Variants in NBPF12 observed in about 807,000 individuals in gnomAD.
NBPF12 encodes NBPF member 12, also known as NBPF family member NBPF12.
In NBPF12, 115 loss-of-function variants were observed where a neutral mutation model predicts 146.4. The observed-to-expected ratio is 0.79, with a 90% CI of 0.68 to 0.92. NBPF12 has a LOEUF of 0.92. Among genes scored for constraint, NBPF12 ranks in the 40% least tolerant of loss-of-function variants. The pLI, the probability that NBPF12 is intolerant of heterozygous loss-of-function variation, is 0.00. For missense variants in NBPF12, 1,205 were observed against 1,326.8 expected (o/e 0.91, Z 1.43); for synonymous variants, 385 against 508.9 (o/e 0.76, Z 3.28).
chr1:146,947,629 A>C (rs1471491707), upstream of NBPF12, among the ~76,000 whole-genome samples: 1 of 122,400 alleles, frequency 8.2e-6, no homozygotes, highest in Admixed American at 9.1e-5. Flanking sequence ...TCACTTCCCA[A>C]ATTCCCTTGA....
intron 18 of NBPF12, among the ~76,000 whole-genome samples, chr1:146,978,703 T>C (rs1657204565): frequency 6.8e-6 from 1 of 146,660 alleles, no homozygotes; most frequent in Non-Finnish European, 1.5e-5. Context: ...GGAAAAAATT[T>C]TGTTTAACTT....
chr1:146,994,446 C>T (rs782714864), exon 34 of NBPF12: 4 of 1,611,994 alleles, frequency 2.5e-6, no homozygotes, highest in African/African-American at 1.3e-5. Flanking sequence ...TCCAGCACTA[C>T]AGAAGTGTGT....
At chr1:146,979,229 C>A (rs1413364595) in intron 19 of NBPF12, among the ~76,000 whole-genome samples, 2 of 93,506 alleles carry the variant, frequency 2.1e-5, no homozygotes, top group Admixed American at 2.4e-4. Context: ...GCCAGGTGAA[C>A]TAGCCAAACA....
At chr1:146,947,828 A>G (rs1364452478), upstream of NBPF12, among the ~76,000 whole-genome samples, 6 of 151,740 alleles carry the variant, frequency 4.0e-5, no homozygotes, top group African/African-American at 1.5e-4. Context: ...GGGGGAACAT[A>G]ATAGTAGTCC....
At chr1:146,953,812 A>G (rs1655431618) in intron 2 of NBPF12, among the ~76,000 whole-genome samples, 1 of 150,930 alleles carries the variant, frequency 6.6e-6, no homozygotes, top group African/African-American at 2.5e-5. Flanking sequence ...TTAATTCAGC[A>G]TTATACTAGA....
chr1:146,987,333 C>G, intron 25 of NBPF12, 48 bp downstream of exon 28: 1 of 787,098 alleles, frequency 1.3e-6, no homozygotes, highest in Non-Finnish European at 2.3e-6. Flanking sequence ...CATCTGGAGA[C>G]TCCTGGTTCA....
chr1:146,965,681 AC>A lies in NBPF12; in HGVS notation c.778+578del, dbSNP rs1254589843. Among the ~76,000 whole-genome samples, 42 of 147,542 alleles carry A rather than the reference AC, an allele frequency of 2.8e-4. No individual in the cohort carries two copies. In the South Asian group the frequency reaches 4.6e-3, roughly 16 times the overall value. On this transcript the variant is annotated intron_variant, in intron 8 of 33. Coordinates refer to ENST00000617844, the Ensembl canonical transcript of NBPF12. ...GTGGTGGGCACCTGTAGTCCCAGCT[AC>A]TCAGGAGGCTGAGGCAGGAGAATGG... is the stretch of plus-strand genomic sequence containing the variant.
intron 1 of NBPF12, among the ~76,000 whole-genome samples, chr1:146,941,758 C>CAAAAAAAAAA (rs1226007703): frequency 8.1e-5 from 5 of 61,834 alleles, no homozygotes; most frequent in African/African-American, 1.3e-4. Context: ...TGTCTTGTAC[C>CAAAAAAAAAA]AAAAAAAAAA....
chr1:146,990,024 ACT>A lies in NBPF12; in HGVS notation c.3571+281_3571+282del, dbSNP rs1163889463. The stretch of plus-strand genomic sequence containing the variant: ...TGGGCAGATGTGACAAATTCACACA[ACT>A]CTGATTTTGTCTGAATTCTGTAGAT... On this transcript the variant is annotated intron_variant, in intron 28 of 33. Coordinates refer to ENST00000617844, the Ensembl canonical transcript of NBPF12. Among the ~76,000 whole-genome samples, 14 of 128,220 alleles carry A rather than the reference ACT, an allele frequency of 1.1e-4. No individual in the cohort carries two copies. The East Asian group carries it at 3.1e-3, about 28-fold the overall frequency. 84.1% of individuals were successfully genotyped at this position (128,220 alleles called of 152,430 possible). A position where few individuals can be genotyped will look rare whatever the true frequency, so the allele number is the denominator to read the frequency against.
At chr1:146,971,521 G>A in intron 13 of NBPF12, 127 bp downstream of exon 16, 1 of 793,944 alleles carries the variant, frequency 1.3e-6, no homozygotes, top group Non-Finnish European at 2.0e-6. Context: ...TAGGTGCTGT[G>A]ACTCACACAT....
chr1:146,978,102 CT>C (rs1268122442), intron 18 of NBPF12, among the ~76,000 whole-genome samples: 1 of 151,568 alleles, frequency 6.6e-6, no homozygotes, highest in African/African-American at 2.4e-5. Flanking sequence ...TCTGGATCTC[CT>C]TTAAGTCAGC....
At chr1:146,944,918 CCCTCCCTG>C (rs1654958567), upstream of NBPF12, among the ~76,000 whole-genome samples, 2 of 114,016 alleles carry the variant, frequency 1.8e-5, no homozygotes, top group Non-Finnish European at 1.8e-5. Context: ...CTTCCTCCCT[CCCTCCCTG>C]CCTCCCTCCC....
In NBPF12 at chr1:146,962,171, G is replaced by C. The variant is rs1245224405; in HGVS notation, c.186G>C (p.Glu62Asp). 1.7e-4 allele frequency: 279 copies of C among 1,608,794 alleles called. 2 individuals carry two copies. In the African/African-American group the frequency reaches 3.5e-3, roughly 20 times the overall value. ...CTGTCTTTTTCTCAGAGTATGAAGAGTGTAAAGACCTCATAAAATTTATGC... is the reference window on the plus strand; with the variant it reads ...CTGTCTTTTTCTCAGAGTATGAAGACTGTAAAGACCTCATAAAATTTATGC... Residue 62 changes from glutamate to aspartate, a missense_variant, in exon 5 of 34, where the codon GAG (glutamate) becomes GAC (aspartate). Glu to Asp is a conservative substitution (Grantham distance 45). Transcript: ENST00000617844.
At chr1:146,970,321 G>A (rs1366864712) in intron 11 of NBPF12, among the ~76,000 whole-genome samples, 6 of 150,866 alleles carry the variant, frequency 4.0e-5, no homozygotes, top group Admixed American at 3.9e-4. Flanking sequence ...AGGACACCAA[G>A]CCTGTTCCTG....
exon 28 of NBPF12, chr1:146,989,721 T>C: frequency 6.2e-7 from 1 of 1,608,716 alleles, no homozygotes; most frequent in East Asian, 2.2e-5. Context: ...AGCAACAGCG[T>C]GTTGGCTTGG....
rs1157264588 is a variant in NBPF12 at position 146,994,834 on chromosome 1, C to G, written c.*259C>G. On this transcript the variant is annotated 3_prime_UTR_variant, in exon 34 of 34. Coordinates refer to ENST00000617844, the Ensembl canonical transcript of NBPF12. ...ATCAGCCGGACATTTTAATTTGAAC[C>G]ATGTATCTCTGGGTAGCTACAAAAT... 4.3e-6 allele frequency: 3 copies of G among 698,046 alleles called. No homozygotes were observed. The East Asian group carries it at 9.8e-5, about 23-fold the overall frequency. The allele number at this position is 698,046 out of a possible 1,614,324, so 43.2% of individuals were successfully genotyped here.
At chr1:146,940,373 G>C (rs1345733449) in intron 1 of NBPF12, among the ~76,000 whole-genome samples, 121 of 152,008 alleles carry the variant, frequency 8.0e-4, no homozygotes, top group Non-Finnish European at 1.3e-3. Flanking sequence ...GGAGGCCAAG[G>C]TGGGCGGATC....
At chr1:146,965,138 G>C in intron 8 of NBPF12, 34 bp downstream of exon 11, 1 of 1,176,838 alleles carries the variant, frequency 8.5e-7, no homozygotes, top group Non-Finnish European at 1.3e-6. Flanking sequence ...TCATACCTCT[G>C]TCTAGGCTAT....
Position 146,994,562 on chromosome 1 carries a change from T to G in NBPF12, c.4361T>G (p.Ile1454Arg), listed in dbSNP as rs782583470. Residue 1454 changes from isoleucine (I) to arginine (R), a missense_variant, in exon 34 of 34, where the codon ATA becomes AGA. Physicochemically the swap from Ile to Arg is moderately conservative, Grantham distance 97. This residue lies in a region of NBPF12 where 210 missense variants were observed against 94.4 expected (regional missense o/e 2.22). Transcript: ENST00000617844. ...CACCTGGTCTTCCAGATGGGAGTCA[T>G]ATTCCCACAATAAGCAGCCCTTACT... The G allele has an allele frequency of 1.9e-6, 3 of 1,609,456 alleles. No individual in the cohort carries two copies. In the South Asian group the frequency reaches 3.3e-5, roughly 18 times the overall value.
Sources: allele counts gnomAD v4.1 joint callset (sites outside exome capture counted in the v4.1 genomes callset), GRCh38; gene constraint gnomAD v4.1.1; regional missense constraint gnomAD v4.1.1; transcripts MANE v1.5; gene names NCBI Gene and HGNC (gene_info 2026-07-23, HGNC 2026-07-21).